Variants in ZNF337 observed in about 807,000 individuals in gnomAD.
The protein encoded by ZNF337 is zinc finger protein 337.
ZNF337 carries 8 observed loss-of-function variants against 12.1 expected under a neutral mutation model. The observed-to-expected ratio is 0.66, with a 90% CI of 0.39 to 1.19. The LOEUF (loss-of-function observed/expected upper bound fraction) is 1.19. ZNF337 is among the 50% of genes most tolerant of loss of function. The pLI is 0.01. For synonymous variants in ZNF337, 336 were observed against 320.0 expected, an observed-to-expected ratio of 1.05 and a Z score of -0.53; for missense variants, 882 against 896.6, an observed-to-expected ratio of 0.98 and a Z score of 0.21.
intron 1 of ZNF337, among the ~76,000 whole-genome samples, chr20:25,691,286 G>A (rs1344525091): frequency 6.6e-6 from 1 of 152,106 alleles, no homozygotes; most frequent in Non-Finnish European, 1.5e-5. Flanking sequence ...GAAGAGAAAA[G>A]AATGAAATAA....
intron 4 of ZNF337, among the ~76,000 whole-genome samples, chr20:25,683,036 C>G (rs769634040): frequency 1.3e-5 from 2 of 152,012 alleles, no homozygotes. Flanking sequence ...TGACACATAA[C>G]AAGATAGAGA....
At chr20:25,680,709 T>C (rs778430877) in intron 4 of ZNF337, 4 of 152,166 alleles carry the variant, frequency 2.6e-5, no homozygotes, top group African/African-American at 9.7e-5. Flanking sequence ...TAATGACAGT[T>C]AAGTTTGCTG....
At chr20:25,683,851 A>G (rs113843788) in intron 4 of ZNF337, among the ~76,000 whole-genome samples, 25,804 of 151,948 alleles carry the variant, frequency 0.17, 4,823 homozygotes, top group African/African-American at 0.47. Flanking sequence ...TCCCATTACC[A>G]GGTATATACC....
At position 25,686,036 on chromosome 20, in the gene ZNF337, C is replaced by T. The variant is rs145263587; in HGVS notation, c.114G>A (p.Arg38=). The change falls in exon 3 of 5, where the codon AGG becomes AGA. Residue 38 remains arginine (R), a synonymous_variant. Coordinates refer to ENST00000252979, the MANE Select transcript of ZNF337 (RefSeq NM_015655.4). ...LLSPAQRALY[R]EVTLENYSHL... is the part of the protein sequence containing the mutation. Reference sequence around the variant, plus strand: ...GGCTGTAGTTCTCCAGTGTCACCTCCCTGTACAGGGCCCTCTGAGCAGGGC... The same window carrying T: ...GGCTGTAGTTCTCCAGTGTCACCTCTCTGTACAGGGCCCTCTGAGCAGGGC... 5.5e-4 allele frequency: 881 copies of T among 1,613,846 alleles called. 1 individual carries two copies. Among genetic ancestry groups the T allele is most frequent in the Non-Finnish European group, 6.8e-4 (800 of 1,179,918 alleles).
Position 25,676,410 on chromosome 20 carries a change from T to C in ZNF337, c.878A>G (p.Glu293Gly), listed in dbSNP as rs2065691407. 4 of 1,613,696 alleles carry C rather than the reference T, an allele frequency of 2.5e-6. No homozygotes were observed. The highest frequency in any genetic ancestry group is 2.5e-6 in the Non-Finnish European group (3 of 1,179,896). The change falls in exon 5 of 5, where the codon GAA becomes GGA. Residue 293 changes from glutamate (E) to glycine (G), a missense_variant. Physicochemically the swap from Glu to Gly is moderately conservative, Grantham distance 98. Transcript: ENST00000252979. ...AAACCTTCGCCCACACTCCTGGCATTCATAAGGCTTCTCTCCTGTGTGTGT... is the reference window on the plus strand; with the variant it reads ...AAACCTTCGCCCACACTCCTGGCATCCATAAGGCTTCTCTCCTGTGTGTGT... ...ERTHTGEKPY[E>G]CQECGRRFND...
At position 25,675,068 on chromosome 20, in the gene ZNF337, A is replaced by C; in HGVS notation, c.2220T>G (p.Arg740=). The C allele has an allele frequency of 1.2e-6, 2 of 1,613,876 alleles. No homozygotes were observed. The highest frequency in any genetic ancestry group is 1.7e-6 in the Non-Finnish European group (2 of 1,179,958). Reference sequence around the variant, plus strand: ...CCTCACCCACACTCCCTGTACAAAAACGCTTCTCACGTAAGTGTCTCTTTA... The same window carrying C: ...CCTCACCCACACTCCCTGTACAAAACCGCTTCTCACGTAAGTGTCTCTTTA... ...KHLKRHLREK[R]FCTGSVGEAS... The change falls in exon 5 of 5, where the codon CGT becomes CGG. Residue 740 remains arginine (R), a synonymous_variant. Transcript: ENST00000252979.
Position 25,676,930 on chromosome 20 carries a change from C to T in ZNF337, c.358G>A (p.Gly120Ser), listed in dbSNP as rs2065704958. The change falls in exon 5 of 5, where the codon GGT becomes AGT. Residue 120 changes from glycine to serine, a missense_variant. Physicochemically the swap from Gly to Ser is moderately conservative, Grantham distance 56. Coordinates refer to ENST00000252979, the MANE Select transcript of ZNF337 (RefSeq NM_015655.4). ...DQSFQSDTAE[G>S]QEKEKSTKPM... The stretch of plus-strand genomic sequence containing the variant: ...TTAGTGCTTTTTTCTTTCTCTTGAC[C>T]TTCAGCTGTGTCACTCTGGAAGCTT... The T allele has an allele frequency of 6.2e-7, 1 of 1,614,112 alleles. No individual in the cohort carries two copies. Among genetic ancestry groups the T allele is most frequent in the Non-Finnish European group, 8.5e-7 (1 of 1,180,030 alleles).
In ZNF337 at chr20:25,674,663, G is replaced by T; in HGVS notation, c.*369C>A. 1 of 226,974 alleles carries T rather than the reference G, an allele frequency of 4.4e-6. No individual in the cohort carries two copies. The allele number at this position is 226,974 out of a possible 1,614,324, so 14.1% of individuals were successfully genotyped here. ...CCTAGATTGTTTGCAGTCCAAGGAG[G>T]TTGGGGAGAGTGTAACAGGCCTGCC... On this transcript the variant is annotated 3_prime_UTR_variant, in exon 5 of 5. Coordinates refer to ENST00000252979, the MANE Select transcript of ZNF337 (RefSeq NM_015655.4).
intron 4 of ZNF337, among the ~76,000 whole-genome samples, chr20:25,678,390 C>T (rs2065731186): frequency 6.6e-6 from 1 of 152,122 alleles, no homozygotes; most frequent in Non-Finnish European, 1.5e-5. Flanking sequence ...AATGAAAAGA[C>T]ATCTTATGTT....
chr20:25,686,473 G>C lies in ZNF337; in HGVS notation c.-49-7C>G. The C allele has an allele frequency of 6.2e-7, 1 of 1,608,328 alleles. No individual in the cohort carries two copies. Among genetic ancestry groups the C allele is most frequent in the South Asian group, 1.1e-5 (1 of 90,120 alleles). On this transcript the variant is annotated splice_region_variant and splice_polypyrimidine_tract_variant and intron_variant, in intron 1 of 4. Coordinates refer to ENST00000252979, the MANE Select transcript of ZNF337 (RefSeq NM_015655.4). The stretch of plus-strand genomic sequence containing the variant: ...AAGCTTGCAGATGGCCAATCTGTGG[G>C]AGGAGAGAAGTCAGAGGGTGGCTGG...
Position 25,675,441 on chromosome 20 carries a change from A to T in ZNF337, c.1847T>A (p.Val616Glu). The T allele has an allele frequency of 6.2e-7, 1 of 1,613,436 alleles. No individual in the cohort carries two copies. Among genetic ancestry groups the T allele is most frequent in the Non-Finnish European group, 8.5e-7 (1 of 1,179,868 alleles). ...GCCAGAATGTGCAAGCTGGTGTTTC[A>T]CAAGATTTGACTTCCAGATAAATCC... Reference protein sequence around the residue: ...GQGFIWKSNLVKHQLAHSGKQ... With the variant: ...GQGFIWKSNLEKHQLAHSGKQ... Residue 616 changes from valine (V) to glutamate (E), a missense_variant, in exon 5 of 5, where the codon GTG becomes GAG. Transcript: ENST00000252979.
At chr20:25,683,626 T>C (rs2065793711) in intron 4 of ZNF337, among the ~76,000 whole-genome samples, 1 of 152,032 alleles carries the variant, frequency 6.6e-6, no homozygotes, top group African/African-American at 2.4e-5. Context: ...TCACTGGCCA[T>C]CAGAGAAATG....
intron 4 of ZNF337, among the ~76,000 whole-genome samples, chr20:25,682,996 AG>A (rs1262151637): frequency 6.6e-6 from 1 of 152,200 alleles, no homozygotes; most frequent in African/African-American, 2.4e-5. Flanking sequence ...TAGGATATAA[AG>A]GTCAATAGAA....
chr20:25,679,215 T>A (rs1335972680), intron 4 of ZNF337, among the ~76,000 whole-genome samples: 1 of 152,132 alleles, frequency 6.6e-6, no homozygotes, highest in Non-Finnish European at 1.5e-5. Flanking sequence ...ATAAAACAAC[T>A]TGAAGAAACA....
chr20:25,696,541 T>C (rs2065931898), intron 1 of ZNF337, among the ~76,000 whole-genome samples: 2 of 152,144 alleles, frequency 1.3e-5, no homozygotes, highest in Admixed American at 1.3e-4. Flanking sequence ...GGAGACTGAG[T>C]GGCGGCCCAG....
At position 25,691,201 on chromosome 20, in the gene ZNF337, C is replaced by T. The variant is rs1268389051; in HGVS notation, c.-49-4735G>A. ...TGAAAAATTCAGTAGAGGGATTTAA[C>T]GGCAGATGAGCAGGCAGAAGAAATA... On this transcript the variant is annotated intron_variant, in intron 1 of 4. Coordinates refer to ENST00000252979, the MANE Select transcript of ZNF337 (RefSeq NM_015655.4). 3.3e-5 allele frequency among the ~76,000 whole-genome samples: 5 copies of T among 152,126 alleles called. No individual in the cohort carries two copies. In the East Asian group the frequency reaches 9.6e-4, roughly 29 times the overall value.
chr20:25,689,196 C>G (rs1333148100), intron 1 of ZNF337, among the ~76,000 whole-genome samples: 1 of 151,236 alleles, frequency 6.6e-6, no homozygotes, highest in South Asian at 2.1e-4. Context: ...CCCAGCTACT[C>G]AGGAGTCTGA....
chr20:25,688,002 A>C (rs139135190), intron 1 of ZNF337, among the ~76,000 whole-genome samples: 2 of 152,350 alleles, frequency 1.3e-5, no homozygotes, highest in Non-Finnish European at 2.9e-5. Flanking sequence ...TTTGGTTTAC[A>C]TGTAGTTGGA....
chr20:25,686,296 G>A, intron 2 of ZNF337, 95 bp downstream of exon 2: 1 of 1,463,952 alleles, frequency 6.8e-7, no homozygotes, highest in Admixed American at 1.7e-5. Context: ...AGCGGTGCTG[G>A]CCTTGGTCCT....
Sources: allele counts gnomAD v4.1 joint callset (sites outside exome capture counted in the v4.1 genomes callset), GRCh38; gene constraint gnomAD v4.1.1; transcripts MANE v1.5; gene names NCBI Gene and HGNC (gene_info 2026-07-23, HGNC 2026-07-21).